The following L1CAM variants were observed in gnomAD, a reference collection of about 807,000 sequenced individuals.
L1CAM encodes L1 cell adhesion molecule.
In L1CAM, 8 loss-of-function variants were observed where a neutral mutation model predicts 93.0. That is an observed-to-expected ratio of 0.09 (90% CI 0.05 to 0.16). The LOEUF (loss-of-function observed/expected upper bound fraction) is 0.16, where lower values mean the gene tolerates loss of function less well. Among genes scored for constraint, L1CAM ranks in the 10% least tolerant of loss-of-function variants. The pLI is 1.00. For missense variants in L1CAM, 777 were observed against 1,073.4 expected (o/e 0.72, Z 3.86); for synonymous variants, 453 against 453.0 (o/e 1.00, Z 0.00).
intron 26 of L1CAM, 62 bp from the exon 27 acceptor site, chrX:153,863,611 C>A: frequency 2.9e-6 from 3 of 1,020,132 alleles, no homozygotes; most frequent in Non-Finnish European, 2.7e-6. Flanking sequence ...GCTCCAGGCC[C>A]CTCTACGCCC....
intron 1 of L1CAM, chrX:153,876,315 T>C (rs1029028423): frequency 1.2e-5 from 3 of 253,766 alleles, no homozygotes; most frequent in Non-Finnish European, 2.1e-5. Context: ...TGTGTGGTTG[T>C]GGATCTGCAA....
intron 1 of L1CAM, among the ~76,000 whole-genome samples, chrX:153,882,002 G>A (rs2064847310): frequency 8.9e-6 from 1 of 111,836 alleles, no homozygotes; most frequent in Admixed American, 9.4e-5. Context: ...CTGAAAAGGA[G>A]AGCAGGGAAG....
rs782677584 is a variant in L1CAM, at chrX:153,863,393, G to A, written c.3531-14C>T. On this transcript the variant is annotated splice_polypyrimidine_tract_variant and intron_variant, in intron 27 of 28. Coordinates refer to ENST00000370060, the MANE Select transcript of L1CAM (RefSeq NM_001278116.2). ...CTCTCCAGGGACCTGAAGTCACCCG[G>A]CAGCACAGAGAAGAGAGAGAGGGGG... 26 of 1,211,099 alleles carry A rather than the reference G, an allele frequency of 2.1e-5. No individual in the cohort carries two copies. The South Asian group carries it at 4.2e-4, about 20-fold the overall frequency.
chrX:153,877,614 C>T (rs1449589441), intron 1 of L1CAM, among the ~76,000 whole-genome samples: 7 of 111,661 alleles, frequency 6.3e-5, no homozygotes, highest in African/African-American at 2.3e-4. Context: ...GCAACAAGAG[C>T]GAAACTCCAT....
intron 2 of L1CAM, 101 bp from the exon 3 acceptor site, chrX:153,873,343 G>GC (rs1169330396): frequency 9.8e-5 from 86 of 874,303 alleles, no homozygotes; most frequent in Non-Finnish European, 1.3e-4. Flanking sequence ...AGCTCCTGCA[G>GC]CCCCCCCGTG....
At chrX:153,880,066 G>A (rs73640836) in intron 1 of L1CAM, among the ~76,000 whole-genome samples, 3,154 of 111,791 alleles carry the variant, frequency 0.028, 108 homozygotes, top group African/African-American at 0.097. Context: ...AGCCCCAGAA[G>A]AGCCTTGCCC....
chrX:153,879,784 C>T (rs1261864754), intron 1 of L1CAM, among the ~76,000 whole-genome samples: 6 of 60,702 alleles, frequency 9.9e-5, no homozygotes, highest in Non-Finnish European at 1.9e-4. Context: ...CGGGTAGGAA[C>T]GGGGGGAGGG....
intron 12 of L1CAM, 49 bp downstream of exon 12, chrX:153,868,792 C>T (rs1557092011): frequency 8.3e-7 from 1 of 1,203,307 alleles, no homozygotes; most frequent in East Asian, 3.0e-5. Context: ...TCCCTGGCTC[C>T]CTGGCCACTG....
intron 10 of L1CAM, 48 bp downstream of exon 10, chrX:153,869,755 C>T (rs2857755): frequency 1.7e-6 from 2 of 1,207,029 alleles, no homozygotes; most frequent in Non-Finnish European, 2.2e-6. Context: ...TCCCCCACAG[C>T]CCCCAGGGCT....
chrX:153,879,933 G>A (rs895083651), intron 1 of L1CAM, among the ~76,000 whole-genome samples: 13 of 111,991 alleles, frequency 1.2e-4, no homozygotes, highest in African/African-American at 4.2e-4. Context: ...GACAGTGGCC[G>A]CTGTGCTGGG....
At chrX:153,863,728 G>T in intron 26 of L1CAM, 155 bp downstream of exon 26, 2 of 914,586 alleles carry the variant, frequency 2.2e-6, no homozygotes, top group Non-Finnish European at 3.1e-6. Context: ...CCCAACCCCG[G>T]CCTGGGAGGA....
rs1357433745 is a variant in L1CAM at position 153,867,925 on chromosome X, G to A, written c.1829-15C>T. 8.3e-6 allele frequency: 10 copies of A among 1,207,615 alleles called. No homozygotes were observed. Among genetic ancestry groups the A allele is most frequent in the Non-Finnish European group, 1.1e-5 (10 of 893,881 alleles). On this transcript the variant is annotated splice_polypyrimidine_tract_variant and intron_variant, in intron 15 of 28. Coordinates refer to ENST00000370060, the MANE Select transcript of L1CAM (RefSeq NM_001278116.2). ...CCCAGGGCTCCCTGAGGGTGGGGAG[G>A]GTCGGTGCTTGAAAGGGCCCAGGGA...
intron 16 of L1CAM, 27 bp downstream of exon 16, chrX:153,867,773 G>A (rs782693226): frequency 8.6e-7 from 1 of 1,156,836 alleles, no homozygotes; most frequent in Non-Finnish European, 1.2e-6. Context: ...AGTGACGGTG[G>A]GGTGGCACTG....
intron 19 of L1CAM, chrX:153,866,041 GT>G: frequency 2.4e-6 from 1 of 409,725 alleles, no homozygotes; most frequent in East Asian, 4.1e-5. Context: ...ATGGCTGGGC[GT>G]GATGGTTCAC....
rs1557090213 is a variant in L1CAM at position 153,864,804 on chromosome X, T to C, written c.3046+17A>G. The C allele has an allele frequency of 8.3e-7, 1 of 1,210,539 alleles. No individual in the cohort carries two copies. Among genetic ancestry groups the C allele is most frequent in the Non-Finnish European group, 1.1e-6 (1 of 895,097 alleles). On this transcript the variant is annotated intron_variant, in intron 23 of 28. Transcript: ENST00000370060. ...TGGCCGGGGCCTCCCTGTTGGCAGG[T>C]CATTCCTCCAGCTTACCAGACAAGG...
rs1557092502 is a variant in L1CAM at position 153,870,050 on chromosome X, C to T, written c.991+6G>A. ...ATCACAGGCCACTGTCCCAGGAGGTCCATACCCTCCACGGTGACATAGTAC... is the reference window on the plus strand; with the variant it reads ...ATCACAGGCCACTGTCCCAGGAGGTTCATACCCTCCACGGTGACATAGTAC... On this transcript the variant is annotated splice_donor_region_variant and intron_variant, in intron 9 of 28. Coordinates refer to ENST00000370060, the MANE Select transcript of L1CAM (RefSeq NM_001278116.2). The T allele has an allele frequency of 4.1e-6, 5 of 1,209,366 alleles. No individual in the cohort carries two copies. The South Asian group carries it at 7.0e-5, about 17-fold the overall frequency.
At chrX:153,864,155 G>A in intron 25 of L1CAM, 138 bp from the exon 26 acceptor site, 1 of 1,018,169 alleles carries the variant, frequency 9.8e-7, no homozygotes, top group East Asian at 3.0e-5. Context: ...TCTGCGGAAA[G>A]GGTATGAAAG....
intron 28 of L1CAM, 105 bp downstream of exon 28, chrX:153,863,263 A>G: frequency 1.1e-6 from 1 of 913,413 alleles, no homozygotes. Context: ...CTGGGAAGTG[A>G]GAGTCCTGTC....
chrX:153,868,986 G>C, intron 11 of L1CAM, 34 bp from the exon 12 acceptor site: 1 of 1,100,337 alleles, frequency 9.1e-7, no homozygotes, highest in Non-Finnish European at 1.3e-6. Flanking sequence ...GACAGGGCAG[G>C]ACTTGGGACC....
Sources: gnomAD v4.1 joint callset for allele counts (sites outside exome capture counted in the v4.1 genomes callset) on GRCh38, gnomAD v4.1.1 for gene constraint, MANE v1.5 for transcripts, NCBI Gene and HGNC (gene_info 2026-07-23, HGNC 2026-07-21) for gene names.